Variants in ABCB1 observed in about 807,000 individuals in gnomAD.
The protein encoded by ABCB1 is ATP-dependent translocase ABCB1.
Under a neutral mutation model 142.0 loss-of-function variants are expected in ABCB1, and 69 were observed. The observed-to-expected ratio is 0.49, with a 90% confidence interval of 0.40 to 0.59. ABCB1 has a LOEUF of 0.59. Ranked by LOEUF, ABCB1 falls within the 20% of genes least tolerant of loss-of-function variation. The pLI, the probability that ABCB1 is intolerant of heterozygous loss-of-function variation, is 0.00. For synonymous variants in ABCB1, 532 were observed against 539.2 expected, an observed-to-expected ratio of 0.99 and a Z score of 0.18; for missense variants, 1,326 against 1,554.7, an observed-to-expected ratio of 0.85 and a Z score of 2.47.
chr7:87,667,549 G>A (rs1275332253), intron 1 of ABCB1, among the ~76,000 whole-genome samples: 3 of 151,934 alleles, frequency 2.0e-5, no homozygotes, highest in Non-Finnish European at 4.4e-5. Context: ...TGGTGAGAGA[G>A]GGCATCCTTC....
intron 1 of ABCB1, among the ~76,000 whole-genome samples, chr7:87,688,541 A>T (rs1476927132): frequency 6.6e-6 from 1 of 151,904 alleles, no homozygotes; most frequent in Admixed American, 6.6e-5. Flanking sequence ...ACTATTTATT[A>T]TGTGGAACTA....
At chr7:87,548,197 A>G (rs189053643) in intron 14 of ABCB1, among the ~76,000 whole-genome samples, 4,246 of 92,106 alleles carry the variant, frequency 0.046, 470 homozygotes, top group African/African-American at 0.054. Context: ...AAAGGAAGGG[A>G]AGGGAAGGGA....
chr7:87,611,669 G>A (rs1819856414), intron 1 of ABCB1, among the ~76,000 whole-genome samples: 3 of 151,772 alleles, frequency 2.0e-5, no homozygotes, highest in Non-Finnish European at 4.4e-5. Context: ...AAAATAGCAT[G>A]TATTTTAAAA....
Position 87,539,274 on chromosome 7 carries a change from G to A in ABCB1, c.2391C>T (p.Leu797=), listed in dbSNP as rs201730973. Residue 797 remains leucine (L), a synonymous_variant, in exon 19 of 28, where the codon CTC becomes CTT. Coordinates refer to ENST00000622132, the MANE Select transcript of ABCB1 (RefSeq NM_001348946.2). ...RLRYMVFRSM[L]RQDVSWFDDP... Reference sequence around the variant, plus strand: ...CAGCCCTCGATAGACATACCTGTCTGAGCATGGATCGGAAAACCATGTATC... The same window carrying A: ...CAGCCCTCGATAGACATACCTGTCTAAGCATGGATCGGAAAACCATGTATC... The A allele has an allele frequency of 1.9e-6, 3 of 1,614,082 alleles. No individual in the cohort carries two copies. Among genetic ancestry groups the A allele is most frequent in the Non-Finnish European group, 2.5e-6 (3 of 1,179,986 alleles).
At chr7:87,625,971 AATAT>A (rs150751812) in intron 1 of ABCB1, among the ~76,000 whole-genome samples, 21 of 141,244 alleles carry the variant, frequency 1.5e-4, no homozygotes, top group Middle Eastern at 3.8e-3. Flanking sequence ...GAGAGAGAGG[AATAT>A]ATATATATAT....
chr7:87,613,486 GAAT>G (rs1040603636), intron 1 of ABCB1, among the ~76,000 whole-genome samples: 2 of 151,794 alleles, frequency 1.3e-5, no homozygotes, highest in Non-Finnish European at 2.9e-5. Context: ...ATGGTGGACT[GAAT>G]AAAGAAAATG....
chr7:87,659,505 AGTT>A (rs1046944296), intron 1 of ABCB1, among the ~76,000 whole-genome samples: 1 of 152,116 alleles, frequency 6.6e-6, no homozygotes, highest in African/African-American at 2.4e-5. Flanking sequence ...TGTGTAGCAT[AGTT>A]GTTTTAAATA....
chr7:87,565,610 C>A, intron 7 of ABCB1: 2 of 339,816 alleles, frequency 5.9e-6, no homozygotes, highest in Non-Finnish European at 1.2e-5. Flanking sequence ...AAAACTTAAA[C>A]AAAAATCTAG....
At chr7:87,536,277 G>A (rs1357461784) in intron 20 of ABCB1, among the ~76,000 whole-genome samples, 181 bp downstream of exon 20, 1 of 152,160 alleles carries the variant, frequency 6.6e-6, no homozygotes, top group Non-Finnish European at 1.5e-5. Flanking sequence ...ATGCTCTACA[G>A]TATATAATGT....
intron 5 of ABCB1, among the ~76,000 whole-genome samples, chr7:87,569,965 T>A (rs888432189): frequency 6.6e-6 from 1 of 152,220 alleles, no homozygotes; most frequent in African/African-American, 2.4e-5. Context: ...GATCAATGCA[T>A]ATATGTCCAT....
intron 26 of ABCB1, among the ~76,000 whole-genome samples, chr7:87,507,299 T>C (rs1814790837): frequency 6.6e-6 from 1 of 152,156 alleles, no homozygotes; most frequent in African/African-American, 2.4e-5. Context: ...AAAAGATAGA[T>C]AATAGTTACT....
intron 3 of ABCB1, among the ~76,000 whole-genome samples, chr7:87,591,291 TA>T (rs1432233209): frequency 2.6e-5 from 4 of 152,202 alleles, no homozygotes; most frequent in Admixed American, 6.5e-5. Flanking sequence ...TTTAGCCCAG[TA>T]AAACTTCGAT....
intron 4 of ABCB1, among the ~76,000 whole-genome samples, chr7:87,585,216 A>G (rs1031264746): frequency 2.0e-5 from 3 of 152,142 alleles, no homozygotes; most frequent in Non-Finnish European, 4.4e-5. Flanking sequence ...CCTACTTATC[A>G]TTCAAGGTTC....
intron 1 of ABCB1, chr7:87,713,050 GAA>G (rs1395612741): frequency 5.9e-5 from 9 of 151,984 alleles, no homozygotes; most frequent in Non-Finnish European, 1.2e-4. Context: ...TGAAACCAAA[GAA>G]ATTCTTAATT....
At chr7:87,611,836 A>C (rs1218691753) in intron 1 of ABCB1, among the ~76,000 whole-genome samples, 1 of 152,164 alleles carries the variant, frequency 6.6e-6, no homozygotes, top group Non-Finnish European at 1.5e-5. Flanking sequence ...TTTTCATAGC[A>C]TGCTGCAGAT....
intron 1 of ABCB1, among the ~76,000 whole-genome samples, chr7:87,660,552 A>G (rs1227463725): frequency 6.6e-6 from 1 of 151,756 alleles, no homozygotes; most frequent in African/African-American, 2.4e-5. Flanking sequence ...TTTTTTTCTT[A>G]ACCAGTATTG....
intron 3 of ABCB1, among the ~76,000 whole-genome samples, chr7:87,590,525 A>T (rs6980354): frequency 3.6e-4 from 55 of 152,350 alleles, no homozygotes; most frequent in African/African-American, 1.3e-3. Context: ...GGTAACATCC[A>T]TGATGAGACT....
chr7:87,573,669 C>T (rs1208317307), intron 4 of ABCB1, among the ~76,000 whole-genome samples: 1 of 152,116 alleles, frequency 6.6e-6, no homozygotes, highest in East Asian at 1.9e-4. Flanking sequence ...GATCAAGATC[C>T]ATGATACATC....
chr7:87,614,759 T>G (rs192774892), intron 1 of ABCB1, among the ~76,000 whole-genome samples: 1 of 152,226 alleles, frequency 6.6e-6, no homozygotes, highest in African/African-American at 2.4e-5. Context: ...TTTAATAGCA[T>G]GTTTAGGTAC....
Sources: gnomAD v4.1 joint callset for allele counts (sites outside exome capture counted in the v4.1 genomes callset) on GRCh38, gnomAD v4.1.1 for gene constraint, MANE v1.5 for transcripts, NCBI Gene and HGNC (gene_info 2026-07-23, HGNC 2026-07-21) for gene names.